The following LAMB4 variants were observed in gnomAD, a reference collection of about 807,000 sequenced individuals.
LAMB4 encodes the protein laminin subunit beta-4.
LAMB4 carries 196 observed loss-of-function variants against 199.2 expected under a neutral mutation model. The ratio of observed to expected loss-of-function variants is 0.98; its 90% confidence interval spans 0.88 to 1.11. The LOEUF is 1.11. LAMB4 is among the 50% of genes least tolerant of loss of function. The probability of loss-of-function intolerance (pLI) is 0.00; values close to 1 mark genes in which losing one functional copy is unlikely to be tolerated. For synonymous variants in LAMB4, 744 were observed against 770.6 expected, an observed-to-expected ratio of 0.97 and a Z score of 0.57; for missense variants, 2,080 against 2,171.2, an observed-to-expected ratio of 0.96 and a Z score of 0.83.
intron 2 of LAMB4, among the ~76,000 whole-genome samples, chr7:108,119,744 A>G (rs1363858237): frequency 2.0e-5 from 3 of 152,170 alleles, no homozygotes; most frequent in Non-Finnish European, 4.4e-5. Flanking sequence ...ATAGACTCAA[A>G]TACACGCACA....
At chr7:108,041,219 T>C (rs923953573) in intron 29 of LAMB4, among the ~76,000 whole-genome samples, 7 of 152,230 alleles carry the variant, frequency 4.6e-5, no homozygotes, top group Non-Finnish European at 7.3e-5. Context: ...CCAGTCTGAA[T>C]GGTGATTATT....
chr7:108,079,904 T>C, intron 14 of LAMB4, 118 bp from the exon 15 acceptor site: 1 of 665,152 alleles, frequency 1.5e-6, no homozygotes, highest in Non-Finnish European at 2.4e-6. Flanking sequence ...ATGATTCATA[T>C]GAGTCACAGA....
At chr7:108,044,090 CTTTAA>C (rs2035534369) in intron 28 of LAMB4, among the ~76,000 whole-genome samples, 194 bp from the exon 29 acceptor site, 1 of 152,138 alleles carries the variant, frequency 6.6e-6, no homozygotes, top group African/African-American at 2.4e-5. Context: ...ATCATGTTTT[CTTTAA>C]TTTATCATTA....
At chr7:108,076,405 A>G (rs2036705312) in intron 17 of LAMB4, among the ~76,000 whole-genome samples, 1 of 152,236 alleles carries the variant, frequency 6.6e-6, no homozygotes, top group African/African-American at 2.4e-5. Flanking sequence ...AAGACTACAT[A>G]CATACCATAA....
intron 14 of LAMB4, among the ~76,000 whole-genome samples, chr7:108,081,839 A>C (rs1344379728): frequency 2.0e-5 from 3 of 152,184 alleles, no homozygotes; most frequent in Non-Finnish European, 4.4e-5. Flanking sequence ...TGTTCCAGTA[A>C]GAACTGTGGA....
intron 28 of LAMB4, among the ~76,000 whole-genome samples, chr7:108,045,233 A>G (rs1398246704): frequency 1.3e-5 from 2 of 152,344 alleles, no homozygotes; most frequent in East Asian, 3.9e-4. Flanking sequence ...CCAGAAATAA[A>G]ATACCCTAGG....
rs2150474928 is a variant in LAMB4, at chr7:108,024,167, T to C, written c.5158A>G (p.Lys1720Glu). The C allele has an allele frequency of 1.3e-6, 2 of 1,560,640 alleles. No individual in the cohort carries two copies. The highest frequency in any genetic ancestry group is 2.7e-5 in the African/African-American group (2 of 73,064). Residue 1720 changes from lysine (K) to glutamate (E), a missense_variant, in exon 34 of 34, where the codon AAA becomes GAA. Transcript: ENST00000388781. Reference sequence around the variant, plus strand: ...CTACTTAGATTCAAATCTTGGATTTTCCTTTCTAAATCTGAAAGAAGAAAA... The same window carrying C: ...CTACTTAGATTCAAATCTTGGATTTCCCTTTCTAAATCTGAAAGAAGAAAA... ...KIRRITDLER[K>E]IQDLNLSRQA... is the part of the protein sequence containing the mutation.
chr7:108,079,645 G>T lies in LAMB4; in HGVS notation c.1843C>A (p.Pro615Thr), dbSNP rs201909531. 535 of 1,612,976 alleles carry T rather than the reference G, an allele frequency of 3.3e-4. 4 individuals are homozygous for T. The highest frequency in any genetic ancestry group is 1.8e-3 in the Middle Eastern group (11 of 6,060). The change falls in exon 15 of 34, where the codon CCC becomes ACC. Residue 615 changes from proline to threonine, a missense_variant. Physicochemically the swap from Pro to Thr is conservative, Grantham distance 38. Transcript: ENST00000388781. ...GCAATGGTGAAGTCCACAGGAAAGG[G>T]AATGTTGTTGACAGCAAATCTCAAG... Reference protein sequence around the residue: ...AGLRFAVNNIPFPVDFTIAIH... With the variant: ...AGLRFAVNNITFPVDFTIAIH...
intron 4 of LAMB4, among the ~76,000 whole-genome samples, chr7:108,109,860 C>A (rs965573393): frequency 6.6e-6 from 1 of 151,954 alleles, no homozygotes; most frequent in African/African-American, 2.4e-5. Context: ...CAAAAGAAGC[C>A]CAGATCTCTC....
intron 28 of LAMB4, among the ~76,000 whole-genome samples, chr7:108,044,603 T>C (rs1428001236): frequency 8.5e-5 from 13 of 152,174 alleles, no homozygotes; most frequent in Non-Finnish European, 2.9e-5. Context: ...TGAGCTTTAT[T>C]GAATAAATTA....
At chr7:108,044,938 G>A (rs1265174751) in intron 28 of LAMB4, among the ~76,000 whole-genome samples, 5 of 122,084 alleles carry the variant, frequency 4.1e-5, no homozygotes, top group African/African-American at 1.7e-4. Flanking sequence ...GGGCCAGACA[G>A]AGTGAGATTC....
chr7:108,127,555 A>G (rs906988070), intron 1 of LAMB4, among the ~76,000 whole-genome samples: 6 of 152,082 alleles, frequency 3.9e-5, no homozygotes, highest in African/African-American at 1.4e-4. Flanking sequence ...AGGTTCGGCA[A>G]TCTCTCTCAG....
chr7:108,103,019 G>A (rs202192225), intron 10 of LAMB4, 25 bp downstream of exon 10: 1 of 1,539,672 alleles, frequency 6.5e-7, no homozygotes, highest in East Asian at 2.3e-5. Flanking sequence ...CAGTGGGTAG[G>A]ATCCAGGCAG....
At chr7:108,113,716 T>C (rs895545739) in intron 3 of LAMB4, among the ~76,000 whole-genome samples, 27 of 152,328 alleles carry the variant, frequency 1.8e-4, no homozygotes, top group African/African-American at 6.5e-4. Context: ...TTTGATGAGG[T>C]TGGCTTCAGA....
chr7:108,020,213 G>A (rs1461817861), downstream of LAMB4, among the ~76,000 whole-genome samples: 1 of 152,010 alleles, frequency 6.6e-6, no homozygotes, highest in African/African-American at 2.4e-5. Flanking sequence ...TTAGATTGAT[G>A]CTGTAATCCC....
chr7:108,069,795 C>G lies in LAMB4; in HGVS notation c.2215G>C (p.Ala739Pro), dbSNP rs1303297346. 3 of 1,614,058 alleles carry G rather than the reference C, an allele frequency of 1.9e-6. No individual in the cohort carries two copies. The highest frequency in any genetic ancestry group is 1.7e-6 in the Non-Finnish European group (2 of 1,179,926). ...AGCACTTGAGGTCCCATTGCTGAGG[C>G]AATTTCAACACAGTTGTGAAGCTGA... ...EYQLHNCVEIASAMGPQVLPG... is the reference protein window; with the variant it reads ...EYQLHNCVEIPSAMGPQVLPG... The change falls in exon 18 of 34, where the codon GCC (alanine) becomes CCC (proline). Residue 739 changes from alanine to proline, a missense_variant. Transcript: ENST00000388781.
chr7:108,021,322 T>C (rs2034687948), downstream of LAMB4, among the ~76,000 whole-genome samples: 1 of 152,182 alleles, frequency 6.6e-6, no homozygotes, highest in South Asian at 2.1e-4. Flanking sequence ...GTGATGAGAC[T>C]GTGGGTTGGT....
intron 3 of LAMB4, 74 bp from the exon 4 acceptor site, chr7:108,112,020 TG>T (rs1420226022): frequency 1.6e-6 from 2 of 1,240,332 alleles, no homozygotes; most frequent in African/African-American, 3.1e-5. Context: ...AAAGGCAAGC[TG>T]TACATACTAT....
chr7:108,092,466 T>A, intron 12 of LAMB4, 50 bp from the exon 13 acceptor site: 3 of 1,361,274 alleles, frequency 2.2e-6, no homozygotes, highest in Non-Finnish European at 2.1e-6. Context: ...ATGCTGTTGC[T>A]CTGAAGTGCA....
Sources: allele counts gnomAD v4.1 joint callset (sites outside exome capture counted in the v4.1 genomes callset), GRCh38; gene constraint gnomAD v4.1.1; transcripts MANE v1.5; gene names NCBI Gene and HGNC (gene_info 2026-07-23, HGNC 2026-07-21).